Variants in APBB1IP observed in about 807,000 individuals in gnomAD.
APBB1IP encodes the protein amyloid beta precursor protein binding family B member 1 interacting protein, also known as amyloid beta A4 precursor protein-binding family B member 1-interacting protein.
APBB1IP carries 27 observed loss-of-function variants against 64.9 expected under a neutral mutation model. The observed-to-expected ratio is 0.42, with a 90% CI of 0.31 to 0.57. APBB1IP has a LOEUF of 0.57. APBB1IP is among the 20% of genes least tolerant of loss of function. The probability of loss-of-function intolerance (pLI) is 0.20; values close to 1 mark genes in which losing one functional copy is unlikely to be tolerated. For synonymous variants in APBB1IP, 392 were observed against 331.0 expected (o/e 1.18, Z -2.00); for missense variants, 812 against 845.5 (o/e 0.96, Z 0.49).
chr10:26,552,168 G>A (rs1255392472), intron 11 of APBB1IP, among the ~76,000 whole-genome samples: 2 of 152,126 alleles, frequency 1.3e-5, no homozygotes, highest in South Asian at 4.1e-4. Context: ...GGGTGTGGTA[G>A]CATGCACCTA....
At chr10:26,525,115 C>T (rs1404001146) in intron 8 of APBB1IP, among the ~76,000 whole-genome samples, 1 of 151,328 alleles carries the variant, frequency 6.6e-6, no homozygotes, top group Non-Finnish European at 1.5e-5. Flanking sequence ...GACCTCATCT[C>T]TATAAAAAAA....
At chr10:26,547,636 G>A (rs189583064) in intron 11 of APBB1IP, among the ~76,000 whole-genome samples, 1 of 152,104 alleles carries the variant, frequency 6.6e-6, no homozygotes, top group African/African-American at 2.4e-5. Flanking sequence ...GTAGTGATGG[G>A]GTTTCACCAT....
intron 2 of APBB1IP, among the ~76,000 whole-genome samples, chr10:26,456,581 G>A (rs1835527765): frequency 1.3e-5 from 2 of 151,750 alleles, no homozygotes; most frequent in Non-Finnish European, 2.9e-5. Flanking sequence ...CATTATAGAA[G>A]CTGATTTAAG....
At chr10:26,490,628 A>T (rs1835943978) in intron 2 of APBB1IP, among the ~76,000 whole-genome samples, 1 of 152,192 alleles carries the variant, frequency 6.6e-6, no homozygotes, top group African/African-American at 2.4e-5. Context: ...TCCATCTCAA[A>T]AAAGAAAAAA....
At chr10:26,487,585 A>AG (rs1835907796) in intron 2 of APBB1IP, among the ~76,000 whole-genome samples, 1 of 152,094 alleles carries the variant, frequency 6.6e-6, no homozygotes, top group Admixed American at 6.6e-5. Flanking sequence ...ATGAAAGGGC[A>AG]GGGGAAAGGG....
intron 8 of APBB1IP, among the ~76,000 whole-genome samples, chr10:26,513,919 A>G (rs1030546170): frequency 7.2e-5 from 11 of 152,166 alleles, no homozygotes; most frequent in African/African-American, 2.2e-4. Context: ...ATTTTTTAGT[A>G]GAGACAGGGT....
chr10:26,468,936 T>C (rs1835678876), intron 2 of APBB1IP, among the ~76,000 whole-genome samples: 1 of 152,316 alleles, frequency 6.6e-6, no homozygotes, highest in Admixed American at 6.5e-5. Context: ...TTACCTGGAT[T>C]TGACCCCTCC....
chr10:26,511,607 C>G, intron 6 of APBB1IP, 140 bp from the exon 7 acceptor site: 1 of 940,536 alleles, frequency 1.1e-6, no homozygotes, highest in Non-Finnish European at 1.6e-6. Flanking sequence ...GCTTGGCATG[C>G]AAGTTAGTTT....
chr10:26,487,457 T>TG (rs1406279283), intron 2 of APBB1IP, among the ~76,000 whole-genome samples: 2 of 152,204 alleles, frequency 1.3e-5, no homozygotes, highest in Non-Finnish European at 2.9e-5. Context: ...CTTTTTATCT[T>TG]CACCGTGGGT....
intron 8 of APBB1IP, among the ~76,000 whole-genome samples, chr10:26,520,218 A>C (rs1447591910): frequency 2.6e-5 from 4 of 152,208 alleles, no homozygotes; most frequent in Non-Finnish European, 4.4e-5. Context: ...GTTATGACAC[A>C]GTATGAAAGC....
chr10:26,545,505 A>T (rs1836749231), intron 11 of APBB1IP, among the ~76,000 whole-genome samples: 1 of 152,184 alleles, frequency 6.6e-6, no homozygotes, highest in Admixed American at 6.5e-5. Context: ...TCACGCCTGT[A>T]ATCCCAGCAC....
In APBB1IP at chr10:26,524,955, C is replaced by CTTTTTTTTTTTTTTTTTT. The variant is rs56982662; in HGVS notation, c.814-8482_814-8465dup. Among the ~76,000 whole-genome samples the CTTTTTTTTTTTTTTTTTT allele has an allele frequency of 5.0e-4, 37 of 73,942 alleles. 4 individuals are homozygous for CTTTTTTTTTTTTTTTTTT. In the East Asian group the frequency reaches 7.7e-3, roughly 15 times the overall value. 48.5% of individuals were successfully genotyped at this position (73,942 alleles called of 152,430 possible). ...TCTTTTTCTTTCTCTTTCTTTCTTT[C>CTTTTTTTTTTTTTTTTTT]TTTTTTTTTTTTTTTTTTTATAAAA... On this transcript the variant is annotated intron_variant, in intron 8 of 14. Coordinates refer to ENST00000376236, the MANE Select transcript of APBB1IP (RefSeq NM_019043.4).
intron 11 of APBB1IP, among the ~76,000 whole-genome samples, chr10:26,542,399 A>G (rs532206813): frequency 3.1e-4 from 47 of 152,188 alleles, no homozygotes; most frequent in African/African-American, 1.1e-3. Flanking sequence ...CAGGCAATCC[A>G]CCTACCTTGG....
At chr10:26,559,398 T>C (rs961817130) in intron 11 of APBB1IP, among the ~76,000 whole-genome samples, 8 of 141,918 alleles carry the variant, frequency 5.6e-5, no homozygotes, top group African/African-American at 2.2e-4. Flanking sequence ...ACTCCAATTC[T>C]ACCAAAAAAA....
intron 2 of APBB1IP, among the ~76,000 whole-genome samples, chr10:26,485,761 T>C (rs1471074878): frequency 1.3e-5 from 2 of 152,218 alleles, no homozygotes; most frequent in Non-Finnish European, 2.9e-5. Flanking sequence ...CCAAGTGCAG[T>C]AGATAGCAAA....
intron 6 of APBB1IP, 81 bp downstream of exon 6, chr10:26,503,355 G>C: frequency 7.0e-7 from 1 of 1,434,248 alleles, no homozygotes; most frequent in Non-Finnish European, 9.6e-7. Context: ...ACAAAATAAA[G>C]CCGGGCGCGG....
intron 2 of APBB1IP, among the ~76,000 whole-genome samples, chr10:26,472,399 C>G (rs143426918): frequency 1.3e-5 from 2 of 152,176 alleles, no homozygotes; most frequent in Non-Finnish European, 2.9e-5. Flanking sequence ...ATGGACCCAC[C>G]TTCTCCTCAT....
chr10:26,515,565 T>G (rs144128930), intron 8 of APBB1IP, among the ~76,000 whole-genome samples: 2 of 152,338 alleles, frequency 1.3e-5, no homozygotes, highest in East Asian at 3.9e-4. Flanking sequence ...GGGAGTTACA[T>G]TCAGGGCCAC....
chr10:26,553,105 T>G (rs935273769), intron 11 of APBB1IP, among the ~76,000 whole-genome samples: 2 of 152,028 alleles, frequency 1.3e-5, no homozygotes, highest in African/African-American at 4.8e-5. Context: ...CACTGCAACC[T>G]CCGCCTCCCA....
Sources: gnomAD v4.1 joint callset for allele counts (sites outside exome capture counted in the v4.1 genomes callset) on GRCh38, gnomAD v4.1.1 for gene constraint, MANE v1.5 for transcripts, NCBI Gene and HGNC (gene_info 2026-07-23, HGNC 2026-07-21) for gene names.